The following MAPK10 variants were observed in gnomAD, a reference collection of about 807,000 sequenced individuals.
MAPK10 encodes mitogen-activated protein kinase 10.
In MAPK10, 25 loss-of-function variants were observed where a neutral mutation model predicts 59.3. The observed-to-expected ratio is 0.42, with a 90% CI of 0.31 to 0.59. MAPK10 has a LOEUF of 0.59. Among genes scored for constraint, MAPK10 ranks in the 20% least tolerant of loss-of-function variants. The probability of loss-of-function intolerance (pLI) is 0.15; values close to 1 mark genes in which losing one functional copy is unlikely to be tolerated. For synonymous variants in MAPK10, 190 were observed against 200.5 expected, an observed-to-expected ratio of 0.95 and a Z score of 0.44; for missense variants, 351 against 568.9, an observed-to-expected ratio of 0.62 and a Z score of 3.90.
intron 11 of MAPK10, among the ~76,000 whole-genome samples, chr4:86,046,930 A>G (rs2042602660): frequency 6.6e-6 from 1 of 152,134 alleles, no homozygotes; most frequent in African/African-American, 2.4e-5. Flanking sequence ...CTAGTTGATG[A>G]GACAGATAAT....
chr4:86,440,342 A>C (rs1353788981), intron 1 of MAPK10, among the ~76,000 whole-genome samples: 5 of 152,228 alleles, frequency 3.3e-5, no homozygotes, highest in Non-Finnish European at 7.3e-5. Flanking sequence ...TTTGTGATAT[A>C]AGAATGCTGA....
At chr4:86,313,514 A>G (rs2095713025) in intron 2 of MAPK10, among the ~76,000 whole-genome samples, 1 of 152,132 alleles carries the variant, frequency 6.6e-6, no homozygotes, top group African/African-American at 2.4e-5. Flanking sequence ...CTACAATATC[A>G]GGAAGAAAAA....
intron 1 of MAPK10, among the ~76,000 whole-genome samples, chr4:86,579,405 T>C (rs1246207071): frequency 6.6e-6 from 1 of 152,124 alleles, no homozygotes; most frequent in Admixed American, 6.6e-5. Context: ...TTGAACCTGC[T>C]GCCATGCACA....
intron 1 of MAPK10, among the ~76,000 whole-genome samples, chr4:86,590,376 C>G (rs761522774): frequency 7.9e-5 from 12 of 152,144 alleles, no homozygotes; most frequent in Non-Finnish European, 1.6e-4. Context: ...GTAACTCCCA[C>G]TCATTTATTT....
chr4:86,289,878 T>A (rs1338961424), intron 2 of MAPK10, among the ~76,000 whole-genome samples: 1 of 152,126 alleles, frequency 6.6e-6, no homozygotes, highest in African/African-American at 2.4e-5. Flanking sequence ...CGTGGAGCAA[T>A]TCTAAGTTTT....
intron 1 of MAPK10, among the ~76,000 whole-genome samples, chr4:86,587,578 A>G (rs1762733503): frequency 6.6e-6 from 1 of 152,214 alleles, no homozygotes; most frequent in Admixed American, 6.5e-5. Context: ...CAACGTTCCC[A>G]TCACAGCTCT....
rs2059483464 is a variant in MAPK10, at chr4:86,122,876, T to C, written c.237-15524A>G. Among the ~76,000 whole-genome samples, 3 of 152,138 alleles carry C rather than the reference T, an allele frequency of 2.0e-5. No homozygotes were observed. In the South Asian group the frequency reaches 6.2e-4, roughly 31 times the overall value. ...CCATAACTTTGTAAAGCATCAATGA[T>C]GTCTTCATTTTTCTACCTAAGTTTT... On this transcript the variant is annotated intron_variant, in intron 4 of 13. Coordinates refer to ENST00000641462, the MANE Select transcript of MAPK10 (RefSeq NM_138982.4).
rs1233090973 is a variant in MAPK10 at position 86,029,179 on chromosome 4, T to C, written c.1252+18A>G. On this transcript the variant is annotated intron_variant, in intron 13 of 13. Transcript: ENST00000641462. ...TACACAAGTACTAGTTTATTGGTTA[T>C]TCACGGAGAGTGAGTACCTGAAGGA... is the stretch of plus-strand genomic sequence containing the variant. 2.6e-6 allele frequency: 4 copies of C among 1,563,448 alleles called. No homozygotes were observed. Among genetic ancestry groups the C allele is most frequent in the South Asian group, 2.2e-5 (2 of 89,988 alleles).
chr4:86,155,319 G>T (rs1467577001), intron 4 of MAPK10, among the ~76,000 whole-genome samples: 1 of 151,644 alleles, frequency 6.6e-6, no homozygotes, highest in Non-Finnish European at 1.5e-5. Context: ...CACCAGAAAT[G>T]ATTTTTTCAA....
intron 1 of MAPK10, among the ~76,000 whole-genome samples, chr4:86,471,040 G>A (rs1030186134): frequency 2.0e-5 from 3 of 152,098 alleles, no homozygotes; most frequent in Non-Finnish European, 2.9e-5. Context: ...GGAGGCTGAC[G>A]TGGGTGGATC....
intron 1 of MAPK10, among the ~76,000 whole-genome samples, chr4:86,372,630 A>G (rs1320790029): frequency 6.6e-6 from 1 of 152,160 alleles, no homozygotes. Context: ...TCACAACTAC[A>G]TGGAAACTGA....
chr4:86,308,134 T>C (rs1009611764), intron 2 of MAPK10, among the ~76,000 whole-genome samples: 1 of 152,040 alleles, frequency 6.6e-6, no homozygotes, highest in Non-Finnish European at 1.5e-5. Flanking sequence ...AAAAAGAGAA[T>C]TGATTTGGGA....
chr4:86,350,107 A>G (rs1040579350), intron 2 of MAPK10, among the ~76,000 whole-genome samples: 1 of 152,168 alleles, frequency 6.6e-6, no homozygotes, highest in Non-Finnish European at 1.5e-5. Context: ...GTTGGAGTAC[A>G]GTGGTGCAAT....
chr4:86,167,856 T>C (rs1440237541), intron 3 of MAPK10, among the ~76,000 whole-genome samples: 1 of 152,018 alleles, frequency 6.6e-6, no homozygotes. Context: ...CTATTAAACA[T>C]AGCAATGGAA....
intron 2 of MAPK10, among the ~76,000 whole-genome samples, chr4:86,306,365 G>A (rs932233226): frequency 2.0e-5 from 3 of 152,164 alleles, no homozygotes; most frequent in Non-Finnish European, 4.4e-5. Flanking sequence ...CAGAAAGGAT[G>A]AGCATGAAAA....
At chr4:86,176,442 G>A (rs17011400) in intron 3 of MAPK10, among the ~76,000 whole-genome samples, 12,881 of 152,052 alleles carry the variant, frequency 0.085, 1,206 homozygotes, top group African/African-American at 0.23. Context: ...AATTACACTT[G>A]AATTCAGGTT....
intron 1 of MAPK10, among the ~76,000 whole-genome samples, chr4:86,381,251 C>T (rs1740664451): frequency 6.6e-6 from 1 of 152,286 alleles, no homozygotes; most frequent in South Asian, 2.1e-4. Context: ...CCTTCACTAC[C>T]CTCCTGGCCT....
At chr4:86,044,732 G>A in intron 11 of MAPK10, 1 of 397,714 alleles carries the variant, frequency 2.5e-6, no homozygotes, top group Non-Finnish European at 4.4e-6. Context: ...GAATCTCTGA[G>A]CCTCATAATG....
At chr4:86,538,119 A>G (rs1312071536) in intron 1 of MAPK10, among the ~76,000 whole-genome samples, 1 of 151,750 alleles carries the variant, frequency 6.6e-6, no homozygotes, top group African/African-American at 2.4e-5. Flanking sequence ...CAAATCCCAC[A>G]TTGTGTTAAT....
Sources: allele counts gnomAD v4.1 joint callset (sites outside exome capture counted in the v4.1 genomes callset), GRCh38; gene constraint gnomAD v4.1.1; transcripts MANE v1.5; gene names NCBI Gene and HGNC (gene_info 2026-07-23, HGNC 2026-07-21).